GLI3: variants seen among roughly 807,000 people sequenced by gnomAD.
GLI3 encodes transcription activator GLI3.
GLI3 carries 20 observed loss-of-function variants against 100.8 expected under a neutral mutation model. The observed-to-expected ratio is 0.20, with a 90% confidence interval of 0.14 to 0.29. GLI3 has a LOEUF of 0.29. Among genes scored for constraint, GLI3 ranks in the 10% least tolerant of loss-of-function variants. The probability of loss-of-function intolerance (pLI) is 1.00; values close to 1 mark genes in which losing one functional copy is unlikely to be tolerated. For synonymous variants in GLI3, 938 were observed against 860.5 expected (o/e 1.09, Z -1.58); for missense variants, 2,040 against 2,128.5 (o/e 0.96, Z 0.82).
At chr7:42,234,170 T>G (rs904085436) in intron 1 of GLI3, among the ~76,000 whole-genome samples, 5 of 152,222 alleles carry the variant, frequency 3.3e-5, no homozygotes, top group Admixed American at 2.6e-4. Flanking sequence ...TGATTCACTT[T>G]TCCTTCAAGA....
rs3801203 is a variant in GLI3, at chr7:42,148,801, C to A, written c.125-333G>T. On this transcript the variant is annotated intron_variant, in intron 2 of 14. Coordinates refer to ENST00000395925, the MANE Select transcript of GLI3 (RefSeq NM_000168.6). ...TTTCTGCTCATGGGCTGGCCAACATCTTGCAGGTCCCACGTGGAACTGAAA... is the reference window on the plus strand; with the variant it reads ...TTTCTGCTCATGGGCTGGCCAACATATTGCAGGTCCCACGTGGAACTGAAA... Among the ~76,000 whole-genome samples the A allele has an allele frequency of 0.13, 20,004 of 152,196 alleles. 1,594 individuals carry two copies. The highest frequency in any genetic ancestry group is 0.19 in the South Asian group (919 of 4,818).
chr7:42,218,634 T>G (rs1788423929), intron 2 of GLI3, among the ~76,000 whole-genome samples: 1 of 152,126 alleles, frequency 6.6e-6, no homozygotes, highest in Non-Finnish European at 1.5e-5. Flanking sequence ...AATAATTTTT[T>G]AAGCAAAGAA....
At chr7:42,087,233 G>C (rs1442573896) in intron 3 of GLI3, among the ~76,000 whole-genome samples, 1 of 152,156 alleles carries the variant, frequency 6.6e-6, no homozygotes, top group Non-Finnish European at 1.5e-5. Flanking sequence ...TCCAACAACA[G>C]GCAAAATGAG....
At chr7:42,029,123 T>A (rs1789210340) in intron 7 of GLI3, among the ~76,000 whole-genome samples, 1 of 152,172 alleles carries the variant, frequency 6.6e-6, no homozygotes, top group Non-Finnish European at 1.5e-5. Flanking sequence ...AACATTCTCC[T>A]CCTCCTCGTG....
At chr7:42,207,308 G>C (rs1788176049) in intron 2 of GLI3, among the ~76,000 whole-genome samples, 1 of 152,094 alleles carries the variant, frequency 6.6e-6, no homozygotes, top group Admixed American at 6.5e-5. Context: ...TTCTTGACCT[G>C]GGCTCTGTTT....
intron 2 of GLI3, among the ~76,000 whole-genome samples, chr7:42,156,567 A>G (rs1385022716): frequency 1.3e-5 from 2 of 152,152 alleles, no homozygotes; most frequent in Non-Finnish European, 2.9e-5. Context: ...AGATTCCATA[A>G]CGAGATCCAC....
At chr7:42,002,635 T>C (rs1788337395) in intron 10 of GLI3, among the ~76,000 whole-genome samples, 1 of 152,170 alleles carries the variant, frequency 6.6e-6, no homozygotes, top group Non-Finnish European at 1.5e-5. Flanking sequence ...TATCACATCA[T>C]GAAAATAACC....
At chr7:42,212,488 C>T (rs1318182450) in intron 2 of GLI3, among the ~76,000 whole-genome samples, 1 of 152,038 alleles carries the variant, frequency 6.6e-6, no homozygotes, top group Non-Finnish European at 1.5e-5. Context: ...CATTTCTTTG[C>T]AATATATTTA....
At chr7:42,191,086 G>T (rs1787817677) in intron 2 of GLI3, among the ~76,000 whole-genome samples, 1 of 151,826 alleles carries the variant, frequency 6.6e-6, no homozygotes, top group Non-Finnish European at 1.5e-5. Flanking sequence ...TATCCAGGAA[G>T]TTGAAGCCAG....
At chr7:42,074,083 G>C (rs1784833337) in intron 4 of GLI3, among the ~76,000 whole-genome samples, 1 of 152,196 alleles carries the variant, frequency 6.6e-6, no homozygotes, top group Non-Finnish European at 1.5e-5. Context: ...AGCAAGGGCA[G>C]AATAGAAACT....
chr7:42,114,280 T>C lies in GLI3; in HGVS notation c.367+33946A>G, dbSNP rs73092526. ...GTTCAGAGCATCAGATGAAGACTTA[T>C]TGGGTTTTATCTTGGCTTTCTGATT... On this transcript the variant is annotated intron_variant, in intron 3 of 14. Transcript: ENST00000395925. Among the ~76,000 whole-genome samples, 264 of 152,332 alleles carry C rather than the reference T, an allele frequency of 1.7e-3. 1 individual carries two copies. Among genetic ancestry groups the C allele is most frequent in the Admixed American group, 2.5e-3 (38 of 15,312 alleles).
At chr7:41,971,508 C>T (rs772956614) in intron 13 of GLI3, among the ~76,000 whole-genome samples, 1 of 152,128 alleles carries the variant, frequency 6.6e-6, no homozygotes, top group South Asian at 2.1e-4. Flanking sequence ...AGCGAAGTCA[C>T]GAACTGAGGT....
At chr7:42,067,390 C>T (rs570684406) in intron 4 of GLI3, among the ~76,000 whole-genome samples, 3 of 152,278 alleles carry the variant, frequency 2.0e-5, no homozygotes, top group East Asian at 3.9e-4. Flanking sequence ...AAATGTAAAG[C>T]ATATTCAAGC....
intron 3 of GLI3, among the ~76,000 whole-genome samples, chr7:42,113,160 G>C (rs575822305): frequency 2.4e-4 from 36 of 152,298 alleles, no homozygotes; most frequent in African/African-American, 7.0e-4. Flanking sequence ...CTGGGCGACA[G>C]AGCGAGACTC....
intron 1 of GLI3, among the ~76,000 whole-genome samples, chr7:42,259,343 G>A (rs779929610): frequency 2.0e-5 from 3 of 152,142 alleles, no homozygotes; most frequent in Non-Finnish European, 4.4e-5. Context: ...TCAGTAAATG[G>A]TAGCATTATC....
At chr7:42,228,406 G>A (rs1788627857) in intron 1 of GLI3, among the ~76,000 whole-genome samples, 1 of 152,242 alleles carries the variant, frequency 6.6e-6, no homozygotes, top group Non-Finnish European at 1.5e-5. Context: ...GGGGTGGGGA[G>A]GTGAGCTCCA....
chr7:42,138,975 G>C (rs1043483354), intron 3 of GLI3, among the ~76,000 whole-genome samples: 4 of 152,178 alleles, frequency 2.6e-5, no homozygotes, highest in African/African-American at 9.7e-5. Context: ...GTCCTGGCTG[G>C]ATTGCAGGCT....
At chr7:42,229,771 G>C (rs538627949) in intron 1 of GLI3, among the ~76,000 whole-genome samples, 3 of 151,916 alleles carry the variant, frequency 2.0e-5, no homozygotes, top group South Asian at 2.1e-4. Context: ...TTTAGAAAGA[G>C]AATTTTTTTT....
chr7:42,160,940 G>A (rs527516275), intron 2 of GLI3, among the ~76,000 whole-genome samples: 8 of 152,074 alleles, frequency 5.3e-5, no homozygotes, highest in African/African-American at 9.7e-5. Flanking sequence ...CTTCTTCAAC[G>A]TATCTCTGGT....
Sources: gnomAD v4.1 joint callset for allele counts (sites outside exome capture counted in the v4.1 genomes callset) on GRCh38, gnomAD v4.1.1 for gene constraint, MANE v1.5 for transcripts, NCBI Gene and HGNC (gene_info 2026-07-23, HGNC 2026-07-21) for gene names.